Variants in DNAAF1 observed in about 807,000 individuals in gnomAD.
The protein encoded by DNAAF1 is dynein axonemal assembly factor 1.
A neutral mutation model predicts 71.1 loss-of-function variants in DNAAF1; 65 were observed. The observed-to-expected ratio is 0.91, with a 90% confidence interval of 0.75 to 1.12. The LOEUF is 1.12. DNAAF1 is among the 50% of genes most tolerant of loss of function. The pLI, the probability that DNAAF1 is intolerant of heterozygous loss-of-function variation, is 0.00. For synonymous variants in DNAAF1, 414 were observed against 354.6 expected (o/e 1.17, Z -1.88); for missense variants, 1,178 against 899.8 (o/e 1.31, Z -3.96).
rs182290531 is a variant in DNAAF1 at position 84,174,872 on chromosome 16, T to C, written c.1698+150T>C. On this transcript the variant is annotated intron_variant, in intron 10 of 11. Transcript: ENST00000378553. ...CATATTCTTTTTCTTTTCTTTTCTT[T>C]TCAGGCAGAGTCTGGCTCTGTCACC... 6.3e-5 allele frequency: 69 copies of C among 1,100,220 alleles called. No individual in the cohort carries two copies. The African/African-American group carries it at 9.2e-4, about 15-fold the overall frequency. 68.2% of individuals were successfully genotyped at this position (1,100,220 alleles called of 1,614,324 possible). A position where few individuals can be genotyped will look rare whatever the true frequency, so the allele number is the denominator to read the frequency against.
At chr16:84,158,954 C>T (rs1270517872) in intron 5 of DNAAF1, 2 of 854,100 alleles carry the variant, frequency 2.3e-6, no homozygotes, top group African/African-American at 1.8e-5. Context: ...TGGTCTCGAA[C>T]TCCTGACCTC....
Position 84,177,905 on chromosome 16 carries a change from C to T in DNAAF1, c.*64C>T. 7.5e-7 allele frequency: 1 copy of T among 1,337,162 alleles called. No individual in the cohort carries two copies. Among genetic ancestry groups the T allele is most frequent in the Non-Finnish European group, 1.1e-6 (1 of 929,520 alleles). The allele number at this position is 1,337,162 out of a possible 1,614,324, so 82.8% of individuals were successfully genotyped here. A position where few individuals can be genotyped will look rare whatever the true frequency, so the allele number is the denominator to read the frequency against. ...AAATGTCTCCCTTAGGCATGATAAACATTTTAACACCCACGCGAGTCAGTG... is the reference window on the plus strand; with the variant it reads ...AAATGTCTCCCTTAGGCATGATAAATATTTTAACACCCACGCGAGTCAGTG... On this transcript the variant is annotated 3_prime_UTR_variant, in exon 12 of 12. Coordinates refer to ENST00000378553, the MANE Select transcript of DNAAF1 (RefSeq NM_178452.6).
intron 6 of DNAAF1, among the ~76,000 whole-genome samples, chr16:84,162,643 A>T (rs2087768477): frequency 6.6e-6 from 1 of 151,940 alleles, no homozygotes; most frequent in Admixed American, 6.6e-5. Context: ...ACACGGTGAA[A>T]CCTCATCTCT....
intron 5 of DNAAF1, 25 bp downstream of exon 5, chr16:84,155,774 GA>G: frequency 1.2e-6 from 2 of 1,613,180 alleles, no homozygotes; most frequent in Non-Finnish European, 8.5e-7. Context: ...CAAAAACAAC[GA>G]AAAAGCACCA....
At chr16:84,177,485 C>A in intron 11 of DNAAF1, 1 of 430,934 alleles carries the variant, frequency 2.3e-6, no homozygotes, top group South Asian at 2.0e-5. Context: ...CCTGCCACCA[C>A]GCCCAGCTAA....
chr16:84,164,969 A>T (rs1481499887), intron 6 of DNAAF1, among the ~76,000 whole-genome samples: 1 of 152,128 alleles, frequency 6.6e-6, no homozygotes, highest in Non-Finnish European at 1.5e-5. Context: ...TAGCCATATC[A>T]TGTTATCTTA....
chr16:84,167,267 G>A (rs1214831949), intron 7 of DNAAF1, among the ~76,000 whole-genome samples: 1 of 152,126 alleles, frequency 6.6e-6, no homozygotes, highest in African/African-American at 2.4e-5. Context: ...CTGTGGGAAG[G>A]GGCGGAGCTT....
chr16:84,148,052 A>T (rs2086998123), intron 1 of DNAAF1, among the ~76,000 whole-genome samples: 2 of 151,932 alleles, frequency 1.3e-5, no homozygotes, highest in Non-Finnish European at 2.9e-5. Flanking sequence ...TGGGGGATAG[A>T]CCAAGACGGT....
chr16:84,153,455 A>G (rs542933601), intron 3 of DNAAF1, among the ~76,000 whole-genome samples: 1 of 152,334 alleles, frequency 6.6e-6, no homozygotes, highest in South Asian at 2.1e-4. Flanking sequence ...GATTTTAAAA[A>G]GTCTATCTAT....
intron 8 of DNAAF1, among the ~76,000 whole-genome samples, chr16:84,171,609 A>G (rs1289602932): frequency 1.3e-5 from 2 of 152,200 alleles, no homozygotes; most frequent in African/African-American, 2.4e-5. Context: ...GCTGAGGGAC[A>G]GGCTGGCGGT....
intron 8 of DNAAF1, 139 bp from the exon 9 acceptor site, chr16:84,172,121 C>T (rs1215950722): frequency 1.3e-5 from 10 of 787,166 alleles, no homozygotes; most frequent in East Asian, 2.7e-5. Flanking sequence ...TTGTGATCCG[C>T]CCACCTTGGC....
intron 11 of DNAAF1, chr16:84,176,859 A>C (rs2151284155): frequency 5.7e-6 from 1 of 176,376 alleles, no homozygotes. Flanking sequence ...GCCTGGCTGC[A>C]GAAGACCCAG....
intron 9 of DNAAF1, chr16:84,173,926 T>G (rs1234225482): frequency 6.5e-6 from 1 of 153,144 alleles, no homozygotes; most frequent in Non-Finnish European, 1.5e-5. Flanking sequence ...ACCATATAGA[T>G]AACTACAACA....
chr16:84,176,227 T>G lies in DNAAF1; in HGVS notation c.1993T>G (p.Cys665Gly), dbSNP rs2088647003. 6.2e-7 allele frequency: 1 copy of G among 1,613,744 alleles called. No homozygotes were observed. Among genetic ancestry groups the G allele is most frequent in the East Asian group, 2.2e-5 (1 of 44,880 alleles). ...TGGCCAGCTACTGATGCCCCCCACC[T>G]GCCAAAGAGATGCTGCACCACTCAC... Reference protein sequence around the residue: ...PSGQLLMPPTCQRDAAPLTSS... With the variant: ...PSGQLLMPPTGQRDAAPLTSS... Residue 665 changes from cysteine to glycine, a missense_variant, in exon 11 of 12, where the codon TGC (cysteine) becomes GGC (glycine). Physicochemically the swap from Cys to Gly is radical, Grantham distance 159 (BLOSUM62 -3). Coordinates refer to ENST00000378553, the MANE Select transcript of DNAAF1 (RefSeq NM_178452.6).
At chr16:84,151,905 A>C (rs1010451801) in intron 3 of DNAAF1, among the ~76,000 whole-genome samples, 8 of 152,224 alleles carry the variant, frequency 5.3e-5, no homozygotes, top group Non-Finnish European at 7.3e-5. Context: ...GAAAGGAAGC[A>C]AGGCCAAGAC....
intron 3 of DNAAF1, 96 bp downstream of exon 3, chr16:84,150,438 A>G (rs556661859): frequency 1.1e-6 from 1 of 915,762 alleles, no homozygotes; most frequent in African/African-American, 1.6e-5. Flanking sequence ...TAGTTCTCAG[A>G]ATGTATCTAA....
intron 3 of DNAAF1, among the ~76,000 whole-genome samples, chr16:84,151,925 G>A (rs186589858): frequency 9.2e-5 from 14 of 152,328 alleles, no homozygotes; most frequent in Admixed American, 3.3e-4. Context: ...CAAAAGTGGA[G>A]GTGACACTTC....
intron 6 of DNAAF1, among the ~76,000 whole-genome samples, chr16:84,160,036 C>T (rs1475871572): frequency 2.6e-5 from 4 of 151,896 alleles, no homozygotes; most frequent in Non-Finnish European, 5.9e-5. Context: ...CTGATGAGTT[C>T]CTTGGAATGG....
intron 8 of DNAAF1, among the ~76,000 whole-genome samples, chr16:84,170,843 T>A (rs1344958369): frequency 6.6e-6 from 1 of 150,784 alleles, no homozygotes; most frequent in South Asian, 2.1e-4. Flanking sequence ...AAAAATAAAT[T>A]GATTAATAAA....
Sources: allele counts gnomAD v4.1 joint callset (sites outside exome capture counted in the v4.1 genomes callset), GRCh38; gene constraint gnomAD v4.1.1; transcripts MANE v1.5; gene names NCBI Gene and HGNC (gene_info 2026-07-23, HGNC 2026-07-21).